Variants in ONECUT1 observed in about 807,000 individuals in gnomAD.
ONECUT1 encodes the protein hepatocyte nuclear factor 6.
Under a neutral mutation model 25.6 loss-of-function variants are expected in ONECUT1, and 12 were observed. The observed-to-expected ratio is 0.47, with a 90% CI of 0.30 to 0.76. The LOEUF (loss-of-function observed/expected upper bound fraction) is 0.76, where lower values mean the gene tolerates loss of function less well. Ranked by LOEUF, ONECUT1 falls within the 30% of genes least tolerant of loss-of-function variation. ONECUT1 has a pLI of 0.07. For missense variants in ONECUT1, 620 were observed against 651.2 expected (o/e 0.95, Z 0.52); for synonymous variants, 285 against 270.2 (o/e 1.05, Z -0.54).
At chr15:52,781,002 T>G in intron 1 of ONECUT1, 1 of 653,164 alleles carries the variant, frequency 1.5e-6, no homozygotes, top group Non-Finnish European at 2.0e-6. Context: ...TCTGTTTTGG[T>G]CAATTTATTA....
At chr15:52,767,979 C>A (rs2141451005) in intron 1 of ONECUT1, among the ~76,000 whole-genome samples, 1 of 152,124 alleles carries the variant, frequency 6.6e-6, no homozygotes, top group East Asian at 1.9e-4. Flanking sequence ...CGCGTAGGAT[C>A]TAAAAAAATT....
intron 1 of ONECUT1, among the ~76,000 whole-genome samples, chr15:52,764,086 C>G (rs1393497894): frequency 1.3e-5 from 2 of 152,134 alleles, no homozygotes; most frequent in Non-Finnish European, 2.9e-5. Flanking sequence ...ATCCATTTTC[C>G]TGACTTAATG....
intron 1 of ONECUT1, among the ~76,000 whole-genome samples, chr15:52,781,859 C>G (rs1024436889): frequency 6.6e-6 from 1 of 152,176 alleles, no homozygotes; most frequent in Non-Finnish European, 1.5e-5. Flanking sequence ...AATGTTGAGT[C>G]TTCAATGAGA....
chr15:52,769,071 T>C (rs1184684956), intron 1 of ONECUT1, among the ~76,000 whole-genome samples: 1 of 152,204 alleles, frequency 6.6e-6, no homozygotes, highest in Non-Finnish European at 1.5e-5. Context: ...GTCTCCTACA[T>C]CCAGAATGTC....
chr15:52,779,730 A>G (rs2083827881), intron 1 of ONECUT1, among the ~76,000 whole-genome samples: 1 of 152,196 alleles, frequency 6.6e-6, no homozygotes, highest in African/African-American at 2.4e-5. Context: ...GGCTATACTA[A>G]GACTCTGGGA....
intron 1 of ONECUT1, chr15:52,787,274 T>C (rs2083882044): frequency 1.3e-5 from 2 of 152,230 alleles, no homozygotes; most frequent in Admixed American, 1.3e-4. Context: ...CTGGAAAACC[T>C]GGCAGGGCAG....
chr15:52,769,373 CTT>C (rs2083753016), intron 1 of ONECUT1, among the ~76,000 whole-genome samples: 1 of 152,204 alleles, frequency 6.6e-6, no homozygotes, highest in African/African-American at 2.4e-5. Flanking sequence ...AGACACAAGT[CTT>C]TTAAGTTTTG....
chr15:52,757,645 T>C lies in ONECUT1; in HGVS notation c.1308A>G (p.Ala436=). 2 of 1,614,162 alleles carry C rather than the reference T, an allele frequency of 1.2e-6. No homozygotes were observed. Among genetic ancestry groups the C allele is most frequent in the Non-Finnish European group, 1.7e-6 (2 of 1,180,020 alleles). ...LSTVSNFFMN[A]RRRSLDKWQD... ...GCCACTTGTCCAGACTCCTCCTTCTTGCGTTCATGAAGAAGTTGCTGACAG... is the reference window on the plus strand; with the variant it reads ...GCCACTTGTCCAGACTCCTCCTTCTCGCGTTCATGAAGAAGTTGCTGACAG... The change falls in exon 2 of 2, where the codon GCA becomes GCG. Residue 436 remains alanine (A), a synonymous_variant. Transcript: ENST00000305901.
chr15:52,770,043 T>C (rs2083757011), intron 1 of ONECUT1, among the ~76,000 whole-genome samples: 1 of 152,240 alleles, frequency 6.6e-6, no homozygotes. Flanking sequence ...TGTTTCTTTT[T>C]CTTCTGGCAA....
rs1054813028 is a variant in ONECUT1 at position 52,756,434 on chromosome 15, T to C, written c.*1121A>G. 6.6e-6 allele frequency among the ~76,000 whole-genome samples: 1 copy of C among 152,186 alleles called. No individual in the cohort carries two copies. The highest frequency in any genetic ancestry group is 2.4e-5 in the African/African-American group (1 of 41,430). ...ACTAAAAAGCATTACTTTGAACAAATTTTCTAATTTAGTTACCCTCCCTGT... is the reference window on the plus strand; with the variant it reads ...ACTAAAAAGCATTACTTTGAACAAACTTTCTAATTTAGTTACCCTCCCTGT... On this transcript the variant is annotated 3_prime_UTR_variant, in exon 2 of 2. Transcript: ENST00000305901.
rs1322030871 is a variant in ONECUT1 at position 52,789,334 on chromosome 15, C to A, written c.551G>T (p.Ser184Ile). 6.3e-7 allele frequency: 1 copy of A among 1,589,410 alleles called. No homozygotes were observed. The highest frequency in any genetic ancestry group is 1.3e-5 in the African/African-American group (1 of 74,486). The stretch of plus-strand genomic sequence containing the variant: ...GTTGTGGATGCTGCCCAGACCGGAG[C>A]TGGAGAGGGGCGAGAGGCTCTGGCC... Reference protein sequence around the residue: ...GMGQSLSPLSSSGLGSIHNSQ... With the variant: ...GMGQSLSPLSISGLGSIHNSQ... Residue 184 changes from serine to isoleucine, a missense_variant, in exon 1 of 2, where the codon AGC (serine) becomes ATC (isoleucine). Ser to Ile is a moderately radical substitution (Grantham distance 142, BLOSUM62 -2). Coordinates refer to ENST00000305901, the MANE Select transcript of ONECUT1 (RefSeq NM_004498.4). This position sits in a 1 kb window ranked among gnomAD's most constrained non-coding sequence, Gnocchi z 4.1.
chr15:52,776,259 A>G (rs1176952719), intron 1 of ONECUT1, among the ~76,000 whole-genome samples: 1 of 152,234 alleles, frequency 6.6e-6, no homozygotes, highest in African/African-American at 2.4e-5. Flanking sequence ...AGGGTGAACT[A>G]TTCTGAAACA....
At chr15:52,760,709 C>T (rs1486258753) in intron 1 of ONECUT1, among the ~76,000 whole-genome samples, 1 of 152,028 alleles carries the variant, frequency 6.6e-6, no homozygotes, top group African/African-American at 2.4e-5. Context: ...GAAGGAAAGG[C>T]TGTGGGAGAT....
chr15:52,775,391 A>T (rs189286953), intron 1 of ONECUT1, among the ~76,000 whole-genome samples: 1 of 151,156 alleles, frequency 6.6e-6, no homozygotes, highest in African/African-American at 2.4e-5. Context: ...GCCATTTAGT[A>T]CTTTCCCTAG....
Position 52,757,431 on chromosome 15 carries a change from A to G in ONECUT1, c.*124T>C. 8.7e-7 allele frequency: 1 copy of G among 1,146,700 alleles called. No homozygotes were observed. The highest frequency in any genetic ancestry group is 2.5e-5 in the East Asian group (1 of 40,756). The allele number at this position is 1,146,700 out of a possible 1,614,324, so 71.0% of individuals were successfully genotyped here. A position where few individuals can be genotyped will look rare whatever the true frequency, so the allele number is the denominator to read the frequency against. The stretch of plus-strand genomic sequence containing the variant: ...TAAGTCTTTGGTTTCTTTGGACTAT[A>G]AATAACGCTTTTTTTTCTTCAAATA... On this transcript the variant is annotated 3_prime_UTR_variant, in exon 2 of 2. Transcript: ENST00000305901.
chr15:52,766,577 A>G (rs1270218378), intron 1 of ONECUT1, among the ~76,000 whole-genome samples: 1 of 152,164 alleles, frequency 6.6e-6, no homozygotes, highest in Non-Finnish European at 1.5e-5. Context: ...GTTGAGACAA[A>G]GGGAGTTCTG....
At chr15:52,785,356 C>A (rs527648720) in intron 1 of ONECUT1, among the ~76,000 whole-genome samples, 4 of 152,196 alleles carry the variant, frequency 2.6e-5, no homozygotes, top group Admixed American at 6.5e-5. Flanking sequence ...ACCCCTCCCC[C>A]CTTGGCTCAG....
rs555444792 is a variant in ONECUT1, at chr15:52,783,691, T to A, written c.1105+5089A>T. On this transcript the variant is annotated intron_variant, in intron 1 of 1. Transcript: ENST00000305901. Reference sequence around the variant, plus strand: ...AACCGCCAATCCGCCGGGTATTATATCCCTCAGCTCCAACCTCCGACTTCG... The same window carrying A: ...AACCGCCAATCCGCCGGGTATTATAACCCTCAGCTCCAACCTCCGACTTCG... Among the ~76,000 whole-genome samples, 3 of 152,364 alleles carry A rather than the reference T, an allele frequency of 2.0e-5. No individual in the cohort carries two copies. The East Asian group carries it at 5.8e-4, about 29-fold the overall frequency.
chr15:52,777,733 C>CAAAAAAAAAAA (rs1402130601), intron 1 of ONECUT1, among the ~76,000 whole-genome samples: 5 of 85,256 alleles, frequency 5.9e-5, no homozygotes, highest in South Asian at 3.8e-4. Context: ...CACACACACA[C>CAAAAAAAAAAA]ACACAAAAAA....
Sources: allele counts gnomAD v4.1 joint callset (sites outside exome capture counted in the v4.1 genomes callset), GRCh38; gene constraint gnomAD v4.1.1; non-coding constraint Gnocchi (gnomAD v3.1); transcripts MANE v1.5; gene names NCBI Gene and HGNC (gene_info 2026-07-23, HGNC 2026-07-21).